JARID2: variants seen among roughly 807,000 people sequenced by gnomAD.
JARID2 encodes protein Jumonji.
In JARID2, 21 loss-of-function variants were observed where a neutral mutation model predicts 125.6. The observed-to-expected ratio is 0.17, with a 90% confidence interval of 0.12 to 0.24. The LOEUF (loss-of-function observed/expected upper bound fraction) is 0.24. Among genes scored for constraint, JARID2 ranks in the 10% least tolerant of loss-of-function variants. The pLI is 1.00. For synonymous variants in JARID2, 736 were observed against 661.6 expected, an observed-to-expected ratio of 1.11 and a Z score of -1.73; for missense variants, 1,303 against 1,639.6, an observed-to-expected ratio of 0.79 and a Z score of 3.55.
chr6:15,265,308 G>T (rs181041974), intron 1 of JARID2, among the ~76,000 whole-genome samples: 104 of 151,898 alleles, frequency 6.8e-4, no homozygotes, highest in Non-Finnish European at 2.9e-5. Context: ...TGGAGGAAGT[G>T]GGGGTGCTTG....
intron 5 of JARID2, 33 bp from the exon 6 acceptor site, chr6:15,487,260 AGTGGTCAAGGTAGT>A (rs1561896826): frequency 6.7e-7 from 1 of 1,495,162 alleles, no homozygotes; most frequent in Non-Finnish European, 9.2e-7. Context: ...TTTGCGTGGT[AGTGGTCAAGGTAGT>A]GATTTCATTC....
intron 3 of JARID2, among the ~76,000 whole-genome samples, chr6:15,414,078 T>G (rs1197766425): frequency 6.6e-6 from 1 of 152,202 alleles, no homozygotes. Context: ...TGTGCATGAT[T>G]TTAGAATCAT....
intron 2 of JARID2, among the ~76,000 whole-genome samples, chr6:15,405,347 T>C (rs956440104): frequency 6.6e-6 from 1 of 152,206 alleles, no homozygotes; most frequent in Admixed American, 6.5e-5. Flanking sequence ...GTGTTCAATT[T>C]CTTTAGAGTT....
intron 1 of JARID2, chr6:15,324,292 A>T (rs968785494): frequency 1.3e-5 from 2 of 152,012 alleles, no homozygotes; most frequent in African/African-American, 4.8e-5. Context: ...GTATAACCTA[A>T]GATTGGAAGG....
At chr6:15,305,347 A>AG (rs1283527590) in intron 1 of JARID2, among the ~76,000 whole-genome samples, 1 of 152,180 alleles carries the variant, frequency 6.6e-6, no homozygotes, top group Admixed American at 6.5e-5. Context: ...AAAAGGGTGC[A>AG]GGGAGGGTGC....
chr6:15,252,821 A>G (rs1343713294), intron 1 of JARID2, among the ~76,000 whole-genome samples: 3 of 152,060 alleles, frequency 2.0e-5, no homozygotes, highest in Admixed American at 6.6e-5. Context: ...ACAAGCCTCA[A>G]TTGCTTTTCC....
At chr6:15,447,079 A>G (rs1012754810) in intron 3 of JARID2, among the ~76,000 whole-genome samples, 3 of 152,102 alleles carry the variant, frequency 2.0e-5, no homozygotes, top group African/African-American at 7.2e-5. Flanking sequence ...CTTCTTCTGA[A>G]CTTATTTGAA....
At chr6:15,504,439 C>G (rs1008202263) in intron 8 of JARID2, 61 bp from the exon 9 acceptor site, 5 of 1,278,840 alleles carry the variant, frequency 3.9e-6, no homozygotes, top group Non-Finnish European at 5.7e-6. Context: ...GGTGTCTGGC[C>G]TCATTTGCAG....
At chr6:15,395,182 CAGTTAATCACACT>C (rs1435681751) in intron 2 of JARID2, among the ~76,000 whole-genome samples, 2 of 152,098 alleles carry the variant, frequency 1.3e-5, no homozygotes, top group Non-Finnish European at 2.9e-5. Flanking sequence ...AAGATTTTAT[CAGTTAATCACACT>C]AGCAGCATAT....
At chr6:15,407,373 T>C (rs1436859151) in intron 2 of JARID2, among the ~76,000 whole-genome samples, 1 of 152,186 alleles carries the variant, frequency 6.6e-6, no homozygotes, top group African/African-American at 2.4e-5. Context: ...GCATGCATGC[T>C]CAAGTTTGAG....
chr6:15,479,447 C>T (rs1362456150), intron 5 of JARID2, among the ~76,000 whole-genome samples: 1 of 152,190 alleles, frequency 6.6e-6, no homozygotes, highest in East Asian at 1.9e-4. Context: ...TATCATTGCA[C>T]ATAATGCATT....
intron 1 of JARID2, among the ~76,000 whole-genome samples, chr6:15,335,775 G>C (rs1286321355): frequency 6.6e-6 from 1 of 152,132 alleles, no homozygotes; most frequent in East Asian, 1.9e-4. Flanking sequence ...CCAACAGCTG[G>C]AGCAGGCTCT....
At chr6:15,272,195 C>G (rs1760324580) in intron 1 of JARID2, among the ~76,000 whole-genome samples, 1 of 152,186 alleles carries the variant, frequency 6.6e-6, no homozygotes, top group Non-Finnish European at 1.5e-5. Flanking sequence ...TTGAGCATTG[C>G]TTGAAAATGC....
At chr6:15,287,436 A>C (rs1761046235) in intron 1 of JARID2, among the ~76,000 whole-genome samples, 1 of 152,242 alleles carries the variant, frequency 6.6e-6, no homozygotes, top group Non-Finnish European at 1.5e-5. Flanking sequence ...TAATTTTAAA[A>C]TAATGATGTT....
chr6:15,272,391 C>T (rs951298300), intron 1 of JARID2, among the ~76,000 whole-genome samples: 13 of 152,170 alleles, frequency 8.5e-5, no homozygotes, highest in African/African-American at 3.1e-4. Flanking sequence ...AGAGCTCTTA[C>T]TGTTTTGCTG....
chr6:15,434,036 G>A (rs1306540711), intron 3 of JARID2, among the ~76,000 whole-genome samples: 1 of 151,194 alleles, frequency 6.6e-6, no homozygotes, highest in Non-Finnish European at 1.5e-5. Context: ...GGTTTCACAT[G>A]TTTCAGCTTG....
chr6:15,508,834 T>G, intron 12 of JARID2: 1 of 567,914 alleles, frequency 1.8e-6, no homozygotes, highest in South Asian at 1.9e-5. Context: ...TTTCCAAGAG[T>G]TATTTTCACC....
At chr6:15,351,642 C>T (rs1360123612) in intron 1 of JARID2, among the ~76,000 whole-genome samples, 1 of 152,212 alleles carries the variant, frequency 6.6e-6, no homozygotes, top group African/African-American at 2.4e-5. Flanking sequence ...GGAGCCAATC[C>T]TATTCACCAC....
chr6:15,261,299 T>C (rs1477927284), intron 1 of JARID2, among the ~76,000 whole-genome samples: 1 of 142,508 alleles, frequency 7.0e-6, no homozygotes, highest in African/African-American at 2.7e-5. Context: ...GATGGTGTTT[T>C]TTCTTCTTCT....
Sources: gnomAD v4.1 joint callset for allele counts (sites outside exome capture counted in the v4.1 genomes callset) on GRCh38, gnomAD v4.1.1 for gene constraint, MANE v1.5 for transcripts, NCBI Gene and HGNC (gene_info 2026-07-23, HGNC 2026-07-21) for gene names.